Variants in STK32B observed in about 807,000 individuals in gnomAD.
STK32B encodes serine/threonine-protein kinase 32B.
In STK32B, 43 loss-of-function variants were observed where a neutral mutation model predicts 52.6. The observed-to-expected ratio is 0.82, with a 90% CI of 0.64 to 1.05. STK32B has a LOEUF of 1.05. Ranked by LOEUF, STK32B falls within the 50% of genes least tolerant of loss-of-function variation. The pLI, the probability that STK32B is intolerant of heterozygous loss-of-function variation, is 0.00. For missense variants in STK32B, 621 were observed against 534.6 expected, an observed-to-expected ratio of 1.16 and a Z score of -1.59; for synonymous variants, 238 against 204.3, an observed-to-expected ratio of 1.17 and a Z score of -1.41.
At chr4:5,135,954 C>T (rs1304676963) in intron 1 of STK32B, among the ~76,000 whole-genome samples, 6 of 152,180 alleles carry the variant, frequency 3.9e-5, no homozygotes, top group African/African-American at 1.4e-4. Flanking sequence ...TCCCAAAGTG[C>T]AGTCCCAGAA....
chr4:5,278,886 A>T (rs12331031), intron 3 of STK32B, among the ~76,000 whole-genome samples: 2,639 of 152,206 alleles, frequency 0.017, 41 homozygotes, highest in East Asian at 0.071. Flanking sequence ...CACACTTTTA[A>T]ACAACCATAT....
At chr4:5,047,485 A>G (rs1333340966), upstream of STK32B, among the ~76,000 whole-genome samples, 1 of 152,166 alleles carries the variant, frequency 6.6e-6, no homozygotes, top group Non-Finnish European at 1.5e-5. Context: ...AAATAAAATA[A>G]AAGTCCAGAG....
intron 3 of STK32B, among the ~76,000 whole-genome samples, chr4:5,290,849 T>C (rs1459518302): frequency 1.3e-5 from 2 of 152,150 alleles, no homozygotes; most frequent in Non-Finnish European, 2.9e-5. Context: ...AACACAATTA[T>C]TTTTAAAATT....
chr4:5,454,072 G>A (rs141072811), intron 7 of STK32B, among the ~76,000 whole-genome samples: 76 of 152,026 alleles, frequency 5.0e-4, no homozygotes, highest in African/African-American at 1.4e-3. Context: ...TTCCACCCCC[G>A]ACCTCTCTTT....
At chr4:5,088,352 T>C (rs886564048) in intron 1 of STK32B, among the ~76,000 whole-genome samples, 1 of 151,962 alleles carries the variant, frequency 6.6e-6, no homozygotes, top group African/African-American at 2.4e-5. Context: ...AATTAATGGG[T>C]ACAAAAAATA....
chr4:5,260,965 A>C lies in STK32B; in HGVS notation c.261-70255A>C, dbSNP rs184439590. On this transcript the variant is annotated intron_variant, in intron 3 of 11. Transcript: ENST00000282908. ...CAGAGTTGTCCTGAGTTGAGGTGAG[A>C]GGGCCAGGCCTTTATGCACCCATGT... 4.6e-3 allele frequency among the ~76,000 whole-genome samples: 699 copies of C among 152,124 alleles called. 2 individuals carry two copies. Among genetic ancestry groups the C allele is most frequent in the Non-Finnish European group, 7.6e-3 (516 of 67,992 alleles).
chr4:5,425,800 G>T (rs976980300), intron 6 of STK32B, among the ~76,000 whole-genome samples: 7 of 152,146 alleles, frequency 4.6e-5, no homozygotes, highest in African/African-American at 1.7e-4. Context: ...CTCATTCCCA[G>T]TCCCTGGCAA....
intron 5 of STK32B, among the ~76,000 whole-genome samples, chr4:5,413,256 T>A (rs1406249925): frequency 1.3e-5 from 2 of 152,154 alleles, no homozygotes; most frequent in East Asian, 1.9e-4. Flanking sequence ...TCAGTAAGGG[T>A]CTGCATCAGT....
At chr4:5,412,891 T>C (rs1357720997) in intron 5 of STK32B, among the ~76,000 whole-genome samples, 1 of 152,092 alleles carries the variant, frequency 6.6e-6, no homozygotes, top group East Asian at 1.9e-4. Flanking sequence ...CAAAACCCTC[T>C]CACTTGGAGT....
chr4:5,318,480 A>C (rs916286264), intron 3 of STK32B, among the ~76,000 whole-genome samples: 2 of 152,162 alleles, frequency 1.3e-5, no homozygotes, highest in Non-Finnish European at 2.9e-5. Context: ...AGAAAAAAAA[A>C]GTTAGGAGCA....
chr4:5,461,463 C>T (rs1219649515), intron 9 of STK32B, among the ~76,000 whole-genome samples: 1 of 152,196 alleles, frequency 6.6e-6, no homozygotes, highest in African/African-American at 2.4e-5. Flanking sequence ...CCAAGAGTGC[C>T]AGGCTTCCAG....
intron 2 of STK32B, among the ~76,000 whole-genome samples, chr4:5,161,819 A>G (rs983775276): frequency 1.3e-5 from 2 of 152,142 alleles, no homozygotes; most frequent in African/African-American, 2.4e-5. Context: ...ACCATATTTA[A>G]TTGTTTTTCT....
At chr4:5,158,623 G>A (rs1005666067) in intron 2 of STK32B, among the ~76,000 whole-genome samples, 1 of 152,142 alleles carries the variant, frequency 6.6e-6, no homozygotes, top group African/African-American at 2.4e-5. Context: ...GCAGAGTTGG[G>A]GGCGGAACAA....
At position 5,189,800 on chromosome 4, in the gene STK32B, C is replaced by T. The variant is rs139418829; in HGVS notation, c.260+21350C>T. On this transcript the variant is annotated intron_variant, in intron 3 of 11. Transcript: ENST00000282908. ...GGAGGAATGAGAGTTCCTGCTGCTC[C>T]CTCCACATCCTCGTCAGCACTTGGA... Among the ~76,000 whole-genome samples the T allele has an allele frequency of 6.0e-3, 914 of 152,244 alleles. 2 individuals carry two copies. Among genetic ancestry groups the T allele is most frequent in the Non-Finnish European group, 9.6e-3 (656 of 68,018 alleles).
rs77558958 is a variant in STK32B, at chr4:5,354,279, A to C, written c.434+22886A>C. 2.5e-3 allele frequency among the ~76,000 whole-genome samples: 375 copies of C among 152,164 alleles called. 11 individuals are homozygous for C. The East Asian group carries it at 0.056, about 23-fold the overall frequency. On this transcript the variant is annotated intron_variant, in intron 4 of 11. Transcript: ENST00000282908. The stretch of plus-strand genomic sequence containing the variant: ...TGAAGAAAAATAGATCTATGTGTAC[A>C]ATTTTAGATGGAGTCTCACTCTGTG...
chr4:5,413,116 A>G lies in STK32B; in HGVS notation c.473-3729A>G, dbSNP rs1196422234. Among the ~76,000 whole-genome samples the G allele has an allele frequency of 2.0e-5, 3 of 152,124 alleles. No individual in the cohort carries two copies. In the East Asian group the frequency reaches 5.8e-4, roughly 29 times the overall value. On this transcript the variant is annotated intron_variant, in intron 5 of 11. Coordinates refer to ENST00000282908, the MANE Select transcript of STK32B (RefSeq NM_018401.3). ...TTCTTCAGATCTTTGCTCAAATGTCATGTTCTCAGTTCCTAACCATCCTGT... is the reference window on the plus strand; with the variant it reads ...TTCTTCAGATCTTTGCTCAAATGTCGTGTTCTCAGTTCCTAACCATCCTGT...
At chr4:5,472,571 G>C (rs1278646247) in intron 11 of STK32B, among the ~76,000 whole-genome samples, 1 of 152,156 alleles carries the variant, frequency 6.6e-6, no homozygotes, top group Non-Finnish European at 1.5e-5. Context: ...TCTGAGCAGG[G>C]CTGATTTTTC....
chr4:5,384,398 G>T (rs972033942), intron 4 of STK32B, among the ~76,000 whole-genome samples: 3 of 152,060 alleles, frequency 2.0e-5, no homozygotes, highest in African/African-American at 7.3e-5. Flanking sequence ...CCGAGACTTG[G>T]GGAGTAAAAG....
At chr4:5,122,049 C>CGCTCATTCATTCACTA (rs1171103908) in intron 1 of STK32B, among the ~76,000 whole-genome samples, 1 of 152,148 alleles carries the variant, frequency 6.6e-6, no homozygotes, top group Non-Finnish European at 1.5e-5. Context: ...TTCATTCACT[C>CGCTCATTCATTCACTA]GCTCATTCAT....
Sources: gnomAD v4.1 joint callset for allele counts (sites outside exome capture counted in the v4.1 genomes callset) on GRCh38, gnomAD v4.1.1 for gene constraint, MANE v1.5 for transcripts, NCBI Gene and HGNC (gene_info 2026-07-23, HGNC 2026-07-21) for gene names.